KIF6: variants seen among roughly 807,000 people sequenced by gnomAD.
The protein encoded by KIF6 is kinesin family member 6, also known as kinesin-like protein KIF6.
Under a neutral mutation model 112.7 loss-of-function variants are expected in KIF6, and 106 were observed. That is an observed-to-expected ratio of 0.94 (90% CI 0.80 to 1.11). The LOEUF (loss-of-function observed/expected upper bound fraction) is 1.11, where lower values mean the gene tolerates loss of function less well. KIF6 is among the 50% of genes least tolerant of loss of function. The pLI, the probability that KIF6 is intolerant of heterozygous loss-of-function variation, is 0.00. For synonymous variants in KIF6, 339 were observed against 339.9 expected (o/e 1.00, Z 0.03); for missense variants, 929 against 964.0 (o/e 0.96, Z 0.48).
At chr6:39,548,220 A>G (rs1337650926) in intron 10 of KIF6, among the ~76,000 whole-genome samples, 1 of 152,222 alleles carries the variant, frequency 6.6e-6, no homozygotes, top group Non-Finnish European at 1.5e-5. Flanking sequence ...GGAAGGCTGA[A>G]GTGGACTCCT....
chr6:39,445,643 T>C (rs1219184174), intron 13 of KIF6, among the ~76,000 whole-genome samples: 1 of 152,132 alleles, frequency 6.6e-6, no homozygotes, highest in Non-Finnish European at 1.5e-5. Context: ...TCAGAAGGTA[T>C]AGATGACTGG....
chr6:39,440,879 C>T (rs1771880835), intron 13 of KIF6, among the ~76,000 whole-genome samples: 1 of 152,130 alleles, frequency 6.6e-6, no homozygotes, highest in African/African-American at 2.4e-5. Flanking sequence ...TGGCTTCAGC[C>T]AGAAACCCAG....
At chr6:39,413,653 A>G (rs1256152149) in intron 15 of KIF6, among the ~76,000 whole-genome samples, 1 of 152,104 alleles carries the variant, frequency 6.6e-6, no homozygotes, top group East Asian at 1.9e-4. Flanking sequence ...TGCCAGGGGC[A>G]TCTTGCCACT....
chr6:39,573,905 A>G (rs1780780149), intron 10 of KIF6, among the ~76,000 whole-genome samples: 1 of 152,236 alleles, frequency 6.6e-6, no homozygotes, highest in Non-Finnish European at 1.5e-5. Flanking sequence ...CTCAGGGCCT[A>G]ACATAGAGTT....
intron 16 of KIF6, among the ~76,000 whole-genome samples, chr6:39,382,260 G>A (rs754604230): frequency 6.6e-6 from 1 of 152,124 alleles, no homozygotes; most frequent in Non-Finnish European, 1.5e-5. Flanking sequence ...TATTGATCTC[G>A]TCACGAAGGT....
intron 10 of KIF6, among the ~76,000 whole-genome samples, chr6:39,576,352 GACCTCAGGTGATCCACCC>G (rs1385165712): frequency 3.3e-5 from 5 of 152,074 alleles, no homozygotes; most frequent in African/African-American, 7.2e-5. Context: ...TCGAACTCCT[GACCTCAGGTGATCCACCC>G]GCCTCAGCCT....
chr6:39,534,821 G>C (rs1778312859), intron 13 of KIF6, among the ~76,000 whole-genome samples: 1 of 152,196 alleles, frequency 6.6e-6, no homozygotes, highest in South Asian at 2.1e-4. Context: ...AGAAAGGTTG[G>C]GTTACCCACA....
At chr6:39,639,580 AC>A in intron 4 of KIF6, 29 bp downstream of exon 4, 2 of 1,516,932 alleles carry the variant, frequency 1.3e-6, no homozygotes, top group Non-Finnish European at 1.8e-6. Context: ...TATATCAAAT[AC>A]AAAATGATAT....
In KIF6 at chr6:39,696,938, GAA is replaced by G. The variant is rs67801153; in HGVS notation, c.251+17752_251+17753del. Among the ~76,000 whole-genome samples the G allele has an allele frequency of 3.4e-5, 5 of 148,866 alleles. No individual in the cohort carries two copies. In the South Asian group the frequency reaches 1.1e-3, roughly 32 times the overall value. ...CATGGTTAGACAGATGGCAGAATTA[GAA>G]AAAAAAAATTGTTAGATGCCACAGG... On this transcript the variant is annotated intron_variant, in intron 3 of 22. Transcript: ENST00000287152.
chr6:39,354,985 C>A (rs1158572299), intron 19 of KIF6, among the ~76,000 whole-genome samples: 1 of 152,108 alleles, frequency 6.6e-6, no homozygotes, highest in African/African-American at 2.4e-5. Flanking sequence ...CAAGACCAGC[C>A]TGGGCAACAT....
At chr6:39,484,279 G>C (rs749062790) in intron 13 of KIF6, among the ~76,000 whole-genome samples, 1 of 152,186 alleles carries the variant, frequency 6.6e-6, no homozygotes, top group Non-Finnish European at 1.5e-5. Context: ...TTATTGAGTA[G>C]CTTGTACCTG....
At chr6:39,542,831 G>T (rs1426207728) in intron 12 of KIF6, among the ~76,000 whole-genome samples, 3 of 152,166 alleles carry the variant, frequency 2.0e-5, no homozygotes, top group Non-Finnish European at 4.4e-5. Context: ...TCACTGAGTA[G>T]GTACAGAGCT....
At chr6:39,631,725 G>GTT (rs140507682) in intron 5 of KIF6, among the ~76,000 whole-genome samples, 1 of 145,726 alleles carries the variant, frequency 6.9e-6, no homozygotes, top group African/African-American at 2.5e-5. Context: ...TTGTTTTTTT[G>GTT]TTTTTTTTGT....
chr6:39,365,122 T>C (rs1274703298), intron 16 of KIF6, among the ~76,000 whole-genome samples: 1 of 152,196 alleles, frequency 6.6e-6, no homozygotes, highest in Non-Finnish European at 1.5e-5. Context: ...CCTTACCCAT[T>C]TGTTACCTGT....
In KIF6 at chr6:39,378,455, C is replaced by T. The variant is rs138931988; in HGVS notation, c.1861+7167G>A. On this transcript the variant is annotated intron_variant, in intron 16 of 22. Transcript: ENST00000287152. This position sits in a 1 kb window ranked among gnomAD's most constrained non-coding sequence, Gnocchi z 5.0. ...AACATATATCCATACCACATACACA[C>T]ACACCACATGCCGCATATACACAGC... is the stretch of plus-strand genomic sequence containing the variant. Among the ~76,000 whole-genome samples the T allele has an allele frequency of 9.7e-4, 147 of 152,252 alleles. No homozygotes were observed. The highest frequency in any genetic ancestry group is 1.9e-3 in the Non-Finnish European group (126 of 68,014).
At chr6:39,679,012 A>G (rs1025544381) in intron 3 of KIF6, among the ~76,000 whole-genome samples, 3 of 152,232 alleles carry the variant, frequency 2.0e-5, no homozygotes, top group African/African-American at 7.2e-5. Context: ...AACAAATGAC[A>G]GCAGAATTTT....
chr6:39,644,689 A>C (rs555485678), intron 3 of KIF6, among the ~76,000 whole-genome samples: 1 of 152,178 alleles, frequency 6.6e-6, no homozygotes, highest in African/African-American at 2.4e-5. Context: ...GCTAATGGCT[A>C]TGGTACAGAG....
intron 15 of KIF6, among the ~76,000 whole-genome samples, chr6:39,386,171 T>C (rs1032475780): frequency 6.6e-6 from 1 of 152,210 alleles, no homozygotes; most frequent in African/African-American, 2.4e-5. Context: ...TAGTTTACAT[T>C]AATAAAGGTA....
intron 22 of KIF6, among the ~76,000 whole-genome samples, chr6:39,337,786 C>A (rs767509968): frequency 6.6e-6 from 1 of 152,200 alleles, no homozygotes; most frequent in Non-Finnish European, 1.5e-5. Context: ...AGGGCCCTTG[C>A]GTTCTAGCCA....
Sources: allele counts gnomAD v4.1 joint callset (sites outside exome capture counted in the v4.1 genomes callset), GRCh38; gene constraint gnomAD v4.1.1; non-coding constraint Gnocchi (gnomAD v3.1); transcripts MANE v1.5; gene names NCBI Gene and HGNC (gene_info 2026-07-23, HGNC 2026-07-21).